Variants in LIMS1 observed in about 807,000 individuals in gnomAD.
The protein encoded by LIMS1 is LIM zinc finger domain containing 1.
In LIMS1, 18 loss-of-function variants were observed where a neutral mutation model predicts 44.1. The ratio of observed to expected loss-of-function variants is 0.41; its 90% CI spans 0.28 to 0.61. The LOEUF (loss-of-function observed/expected upper bound fraction) is 0.61, where lower values mean the gene tolerates loss of function less well. LIMS1 is among the 20% of genes least tolerant of loss of function. The pLI is 0.32. For synonymous variants in LIMS1, 93 were observed against 149.1 expected (o/e 0.62, Z 2.74); for missense variants, 201 against 422.0 (o/e 0.48, Z 4.59).
intron 1 of LIMS1, among the ~76,000 whole-genome samples, chr2:108,636,352 A>G (rs961763108): frequency 4.6e-5 from 7 of 152,260 alleles, no homozygotes; most frequent in Admixed American, 4.6e-4. Context: ...ATCAGGGTCC[A>G]AGGCACTCTG....
At chr2:108,680,803 A>C (rs1267184941) in intron 9 of LIMS1, 33 bp downstream of exon 9, 1 of 1,591,336 alleles carries the variant, frequency 6.3e-7, no homozygotes, top group Admixed American at 1.9e-5. Flanking sequence ...TGTGAATCCT[A>C]AGACTGAAAA....
At chr2:108,652,139 T>C (rs1340625014) in intron 1 of LIMS1, among the ~76,000 whole-genome samples, 2 of 149,690 alleles carry the variant, frequency 1.3e-5, no homozygotes, top group Non-Finnish European at 3.0e-5. Flanking sequence ...AAAGTCACAA[T>C]ATGACAGGCA....
chr2:108,585,878 G>C (rs1425934143), intron 1 of LIMS1, among the ~76,000 whole-genome samples: 1 of 152,168 alleles, frequency 6.6e-6, no homozygotes, highest in Admixed American at 6.5e-5. Flanking sequence ...TGAGTAAATA[G>C]GAGTTGAGAT....
rs753691810 is a variant in LIMS1 at position 108,569,764 on chromosome 2, C to CCTTTTTTTTTTT, written c.32+35170_32+35171insCTTTTTTTTTTT. On this transcript the variant is annotated intron_variant, in intron 1 of 9. Transcript: ENST00000544547. ...TACAAACACTCACCGCCATATCTGG[C>CCTTTTTTTTTTT]TTTTTTTTTTTTTTTTTTTAGTGAT... 0.068 allele frequency among the ~76,000 whole-genome samples: 7,685 copies of CCTTTTTTTTTTT among 112,584 alleles called. 1,872 individuals carry two copies. In the East Asian group the frequency reaches 0.77, roughly 11 times the overall value. The allele number at this position is 112,584 out of a possible 152,430, so 73.9% of individuals were successfully genotyped here.
chr2:108,633,603 G>C, intron 1 of LIMS1, among the ~76,000 whole-genome samples: 1 of 152,036 alleles, frequency 6.6e-6, no homozygotes. Flanking sequence ...TTACATTTTT[G>C]CTTTTTCATT....
intron 1 of LIMS1, among the ~76,000 whole-genome samples, chr2:108,600,891 TTCTTCTCTTCTCTTCTCTTC>T (rs150372618): frequency 1.1e-5 from 1 of 90,908 alleles, no homozygotes; most frequent in Non-Finnish European, 2.4e-5. Context: ...GAATTGTTCG[TTCTTCTCTTCTCTTCTCTTC>T]TCTTCTCTTC....
At position 108,642,446 on chromosome 2, in the gene LIMS1, G is replaced by A. The variant is rs826696; in HGVS notation, c.33-17159G>A. 6.0e-3 allele frequency among the ~76,000 whole-genome samples: 812 copies of A among 135,302 alleles called. 9 individuals are homozygous for A. Among genetic ancestry groups the A allele is most frequent in the Non-Finnish European group, 8.7e-3 (569 of 65,490 alleles). 88.8% of individuals were successfully genotyped at this position (135,302 alleles called of 152,430 possible). Reference sequence around the variant, plus strand: ...GCGATCTCGGCTCACTGCAAGCTCCGCCTCCCGGGTTCACGCCATTCTCCT... The same window carrying A: ...GCGATCTCGGCTCACTGCAAGCTCCACCTCCCGGGTTCACGCCATTCTCCT... On this transcript the variant is annotated intron_variant, in intron 1 of 9. Coordinates refer to ENST00000544547, the Ensembl canonical transcript of LIMS1.
intron 1 of LIMS1, among the ~76,000 whole-genome samples, chr2:108,536,029 T>C (rs1349101073): frequency 2.0e-5 from 3 of 152,240 alleles, no homozygotes; most frequent in Non-Finnish European, 4.4e-5. Flanking sequence ...AAAAAAAGTA[T>C]TGACTAGTAA....
chr2:108,647,658 A>G (rs1690167995), intron 1 of LIMS1, among the ~76,000 whole-genome samples: 1 of 152,210 alleles, frequency 6.6e-6, no homozygotes, highest in South Asian at 2.1e-4. Context: ...GGTTCATTCA[A>G]CATACGCAAA....
intron 5 of LIMS1, among the ~76,000 whole-genome samples, chr2:108,674,523 C>G (rs1692379649): frequency 1.3e-5 from 2 of 151,380 alleles, no homozygotes; most frequent in South Asian, 4.2e-4. Flanking sequence ...GAGATCGAGA[C>G]CATCCTGGCT....
intron 1 of LIMS1, among the ~76,000 whole-genome samples, chr2:108,622,512 T>C (rs1688305268): frequency 6.6e-6 from 1 of 152,208 alleles, no homozygotes; most frequent in South Asian, 2.1e-4. Context: ...AGGGTAGCAT[T>C]AAAGGACTAT....
At chr2:108,652,716 C>T (rs1690584263) in intron 1 of LIMS1, among the ~76,000 whole-genome samples, 2 of 152,232 alleles carry the variant, frequency 1.3e-5, no homozygotes, top group African/African-American at 4.8e-5. Context: ...ACTGTAGTCA[C>T]GTAAGATGTG....
intron 1 of LIMS1, among the ~76,000 whole-genome samples, chr2:108,601,329 T>C (rs572023379): frequency 2.0e-5 from 3 of 152,128 alleles, no homozygotes; most frequent in African/African-American, 7.2e-5. Context: ...GGCTCCAGAG[T>C]CAGACACTTG....
At chr2:108,657,895 G>A (rs1423393634) in intron 1 of LIMS1, 1 of 152,134 alleles carries the variant, frequency 6.6e-6, no homozygotes, top group Non-Finnish European at 1.5e-5. Flanking sequence ...GGGGAGAAAG[G>A]CAAAGGGAAA....
intron 2 of LIMS1, among the ~76,000 whole-genome samples, chr2:108,668,568 C>G (rs1177842258): frequency 2.0e-5 from 3 of 152,176 alleles, no homozygotes; most frequent in Non-Finnish European, 2.9e-5. Flanking sequence ...CCAAAGAGTA[C>G]TCCGCTGGGT....
At chr2:108,612,885 G>A (rs1348043915) in intron 1 of LIMS1, among the ~76,000 whole-genome samples, 3 of 152,172 alleles carry the variant, frequency 2.0e-5, no homozygotes, top group Non-Finnish European at 2.9e-5. Flanking sequence ...AGCTTCCGGG[G>A]TTAGGTTGTC....
At chr2:108,583,231 A>AG (rs1479069432) in intron 1 of LIMS1, among the ~76,000 whole-genome samples, 1 of 144,088 alleles carries the variant, frequency 6.9e-6, no homozygotes, top group East Asian at 2.1e-4. Context: ...TTTAGTAGAG[A>AG]GGGGTCTCAC....
At chr2:108,535,096 CAA>C (rs1282985036) in intron 1 of LIMS1, among the ~76,000 whole-genome samples, 2 of 152,164 alleles carry the variant, frequency 1.3e-5, no homozygotes, top group African/African-American at 2.4e-5. Context: ...TTTGCTAAAA[CAA>C]AAGAGTTCGT....
In LIMS1 at chr2:108,639,945, A is replaced by C. The variant is rs142566695; in HGVS notation, c.33-19660A>C. On this transcript the variant is annotated intron_variant, in intron 1 of 9. Coordinates refer to ENST00000544547, the Ensembl canonical transcript of LIMS1. Reference sequence around the variant, plus strand: ...CAGTTCAGTGATCCCATCCCAAAGCACTTACACATCCATGCGCACGGGCTC... The same window carrying C: ...CAGTTCAGTGATCCCATCCCAAAGCCCTTACACATCCATGCGCACGGGCTC... Among the ~76,000 whole-genome samples the C allele has an allele frequency of 5.0e-3, 767 of 152,324 alleles. 6 individuals carry two copies. Among genetic ancestry groups the C allele is most frequent in the African/African-American group, 0.018 (728 of 41,560 alleles).
Sources: gnomAD v4.1 joint callset for allele counts (sites outside exome capture counted in the v4.1 genomes callset) on GRCh38, gnomAD v4.1.1 for gene constraint, MANE v1.5 for transcripts, NCBI Gene and HGNC (gene_info 2026-07-23, HGNC 2026-07-21) for gene names.